Variants in FSHR observed in about 807,000 individuals in gnomAD.
FSHR encodes follicle stimulating hormone receptor.
In FSHR, 46 loss-of-function variants were observed where a neutral mutation model predicts 52.1. The observed-to-expected ratio is 0.88, with a 90% CI of 0.70 to 1.13. The LOEUF (loss-of-function observed/expected upper bound fraction) is 1.13. Ranked by LOEUF, FSHR falls within the 50% of genes most tolerant of loss-of-function variation. The pLI is 0.00. For synonymous variants in FSHR, 399 were observed against 309.6 expected, an observed-to-expected ratio of 1.29 and a Z score of -3.03; for missense variants, 964 against 834.6, an observed-to-expected ratio of 1.16 and a Z score of -1.91.
At chr2:49,047,692 C>T (rs932933734) in intron 2 of FSHR, among the ~76,000 whole-genome samples, 1 of 152,146 alleles carries the variant, frequency 6.6e-6, no homozygotes, top group Non-Finnish European at 1.5e-5. Flanking sequence ...TTACAAATTC[C>T]TTAGACTTTT....
At chr2:49,008,598 C>T (rs1461989727) in intron 4 of FSHR, among the ~76,000 whole-genome samples, 1 of 148,278 alleles carries the variant, frequency 6.7e-6, no homozygotes, top group African/African-American at 2.5e-5. Flanking sequence ...TGAGGAATCG[C>T]CACACTGACT....
chr2:49,149,889 A>G (rs1673002680), intron 1 of FSHR, among the ~76,000 whole-genome samples: 1 of 152,102 alleles, frequency 6.6e-6, no homozygotes, highest in African/African-American at 2.4e-5. Context: ...TAACACAGGC[A>G]GCCTATAATA....
At chr2:49,010,454 A>G (rs1019300325) in intron 4 of FSHR, among the ~76,000 whole-genome samples, 1 of 152,132 alleles carries the variant, frequency 6.6e-6, no homozygotes, top group African/African-American at 2.4e-5. Flanking sequence ...AGATTTTTGC[A>G]TCAATGTTCA....
chr2:49,128,189 C>T (rs1208362135), intron 1 of FSHR, among the ~76,000 whole-genome samples: 1 of 151,950 alleles, frequency 6.6e-6, no homozygotes, highest in African/African-American at 2.4e-5. Context: ...CCAATTTATG[C>T]TTGAACTCAA....
At chr2:49,032,757 C>T (rs1353611219) in intron 2 of FSHR, among the ~76,000 whole-genome samples, 1 of 152,206 alleles carries the variant, frequency 6.6e-6, no homozygotes, top group Admixed American at 6.5e-5. Flanking sequence ...CTGCCATCTC[C>T]TGAGCTGGTG....
rs559886878 is a variant in FSHR at position 49,127,797 on chromosome 2, T to A, written c.152+26469A>T. 2.1e-4 allele frequency among the ~76,000 whole-genome samples: 12 copies of A among 56,890 alleles called. No homozygotes were observed. The South Asian group carries it at 8.1e-3, about 39-fold the overall frequency. The allele number at this position is 56,890 out of a possible 152,430, so 37.3% of individuals were successfully genotyped here. A position where few individuals can be genotyped will look rare whatever the true frequency, so the allele number is the denominator to read the frequency against. On this transcript the variant is annotated intron_variant, in intron 1 of 9. Transcript: ENST00000406846. Reference sequence around the variant, plus strand: ...CTTCTTCTTCTTCTTCTTCTTCTTCTTCTTCTTCTTCTTCTTCTTCTTCTT... The same window carrying A: ...CTTCTTCTTCTTCTTCTTCTTCTTCATCTTCTTCTTCTTCTTCTTCTTCTT...
intron 8 of FSHR, among the ~76,000 whole-genome samples, chr2:48,969,825 G>A (rs766795270): frequency 2.4e-4 from 37 of 152,294 alleles, no homozygotes; most frequent in Non-Finnish European, 4.4e-4. Flanking sequence ...TGATGTGGGC[G>A]CTTTTCTGGC....
chr2:49,127,821 T>TCTTCC, intron 1 of FSHR, among the ~76,000 whole-genome samples: 1 of 65,194 alleles, frequency 1.5e-5, no homozygotes, highest in East Asian at 7.1e-4. Flanking sequence ...CTTCTTCTTC[T>TCTTCC]TCTTCTTCCT....
intron 2 of FSHR, among the ~76,000 whole-genome samples, chr2:49,029,979 T>G (rs915274691): frequency 3.3e-5 from 5 of 152,172 alleles, no homozygotes; most frequent in African/African-American, 1.2e-4. Flanking sequence ...AAAGCTAGGG[T>G]GAGGCGGGGC....
At chr2:49,082,416 G>A (rs1670208187) in intron 1 of FSHR, among the ~76,000 whole-genome samples, 1 of 152,118 alleles carries the variant, frequency 6.6e-6, no homozygotes, top group Admixed American at 6.6e-5. Flanking sequence ...CAGAAAAACT[G>A]GAAACTCTAA....
chr2:48,999,739 C>G (rs184174255), intron 4 of FSHR, among the ~76,000 whole-genome samples: 20 of 152,218 alleles, frequency 1.3e-4, no homozygotes, highest in African/African-American at 4.1e-4. Flanking sequence ...AATTAAGCAG[C>G]TTGTTTCCTG....
At chr2:49,017,682 T>TCATC (rs891302351) in intron 3 of FSHR, 119 bp from the exon 4 acceptor site, 114 of 756,502 alleles carry the variant, frequency 1.5e-4, no homozygotes, top group East Asian at 6.8e-4. Flanking sequence ...ACCCATCTAT[T>TCATC]CATCCATCCA....
intron 1 of FSHR, among the ~76,000 whole-genome samples, chr2:49,071,237 G>A (rs1176942165): frequency 6.6e-6 from 1 of 151,926 alleles, no homozygotes; most frequent in African/African-American, 2.4e-5. Flanking sequence ...CAAATCCCAG[G>A]GAGGAAAACA....
At chr2:49,087,070 GTTTT>G (rs56890721) in intron 1 of FSHR, among the ~76,000 whole-genome samples, 892 of 86,750 alleles carry the variant, frequency 0.01, 19 homozygotes, top group African/African-American at 0.036. Flanking sequence ...TGTGGGCAGG[GTTTT>G]TTTTTTTTTT....
At chr2:49,016,160 C>T (rs901019208) in intron 4 of FSHR, among the ~76,000 whole-genome samples, 2 of 152,110 alleles carry the variant, frequency 1.3e-5, no homozygotes, top group Admixed American at 6.6e-5. Context: ...GGCACAGAAT[C>T]GTAATATCAT....
At chr2:49,152,981 G>T (rs1419894235) in intron 1 of FSHR, among the ~76,000 whole-genome samples, 4 of 152,254 alleles carry the variant, frequency 2.6e-5, no homozygotes, top group East Asian at 1.9e-4. Flanking sequence ...ATAATCAGGA[G>T]TAGCTGTCTA....
chr2:48,964,557 TA>T (rs1280519035), intron 9 of FSHR, among the ~76,000 whole-genome samples: 1 of 152,224 alleles, frequency 6.6e-6, no homozygotes, highest in Non-Finnish European at 1.5e-5. Context: ...TCCTGTTCTT[TA>T]TTATCTCACT....
At chr2:49,003,309 C>T (rs748868104) in intron 4 of FSHR, among the ~76,000 whole-genome samples, 3 of 152,120 alleles carry the variant, frequency 2.0e-5, no homozygotes, top group Admixed American at 6.5e-5. Flanking sequence ...TGTGTGCAGA[C>T]CCTGTATTCT....
intron 4 of FSHR, among the ~76,000 whole-genome samples, chr2:49,006,492 T>C (rs1573081758): frequency 6.6e-6 from 1 of 152,274 alleles, no homozygotes; most frequent in South Asian, 2.1e-4. Flanking sequence ...TTACATCCTT[T>C]ATCATTTCCG....
Sources: allele counts gnomAD v4.1 joint callset (sites outside exome capture counted in the v4.1 genomes callset), GRCh38; gene constraint gnomAD v4.1.1; transcripts MANE v1.5; gene names NCBI Gene and HGNC (gene_info 2026-07-23, HGNC 2026-07-21).